XAB2: variants seen among roughly 807,000 people sequenced by gnomAD.
XAB2 encodes pre-mRNA-splicing factor SYF1.
XAB2 carries 57 observed loss-of-function variants against 113.4 expected under a neutral mutation model. The observed-to-expected ratio is 0.50, with a 90% confidence interval of 0.41 to 0.63. XAB2 has a LOEUF of 0.63. Ranked by LOEUF, XAB2 falls within the 20% of genes least tolerant of loss-of-function variation. The pLI is 0.00. For synonymous variants in XAB2, 497 were observed against 498.8 expected (o/e 1.00, Z 0.05); for missense variants, 1,037 against 1,233.3 (o/e 0.84, Z 2.38).
chr19:7,628,019 T>C lies in XAB2; in HGVS notation c.200+131A>G. The stretch of plus-strand genomic sequence containing the variant: ...ACATCAGAGAAGGTGTGCTGACCCA[T>C]CAAGGGATGTACAGGTCAGTGATGA... On this transcript the variant is annotated intron_variant, in intron 2 of 18. Coordinates refer to ENST00000358368, the MANE Select transcript of XAB2 (RefSeq NM_020196.3). The surrounding 1 kb of genome is among the most constrained non-coding windows in gnomAD (Gnocchi z 4.6). The C allele has an allele frequency of 2.7e-6, 4 of 1,458,700 alleles. No homozygotes were observed. Among genetic ancestry groups the C allele is most frequent in the Non-Finnish European group, 3.7e-6 (4 of 1,082,352 alleles). 90.4% of individuals were successfully genotyped at this position (1,458,700 alleles called of 1,614,324 possible). A position where few individuals can be genotyped will look rare whatever the true frequency, so the allele number is the denominator to read the frequency against.
At position 7,624,337 on chromosome 19, in the gene XAB2, T is replaced by A. The variant is rs768112734; in HGVS notation, c.931A>T (p.Met311Leu). 17 of 1,614,088 alleles carry A rather than the reference T, an allele frequency of 1.1e-5. No homozygotes were observed. Among genetic ancestry groups the A allele is most frequent in the Non-Finnish European group, 1.3e-5 (15 of 1,180,012 alleles). Residue 311 changes from methionine to leucine, a missense_variant, in exon 7 of 19, where the codon ATG (methionine) becomes TTG (leucine). By Grantham distance (15) the Met-to-Leu change is conservative (BLOSUM62 2). Coordinates refer to ENST00000358368, the MANE Select transcript of XAB2 (RefSeq NM_020196.3). The surrounding 1 kb of genome is among the most constrained non-coding windows in gnomAD (Gnocchi z 4.2). ...QFEESMIAAK[M>L]ETASELGREE... ...CGCCCCAGCTCCGAGGCGGTCTCCA[T>A]CTTTGCAGCGATCATGCTCTCCTCG...
Position 7,627,196 on chromosome 19 carries a change from C to A in XAB2, c.522+47G>T, listed in dbSNP as rs749180994. ...CGCGGAGCTAGTGTCACAGTGAGGCCGTTTCTGGAAACTAACCTGGGGAAC... is the reference window on the plus strand; with the variant it reads ...CGCGGAGCTAGTGTCACAGTGAGGCAGTTTCTGGAAACTAACCTGGGGAAC... On this transcript the variant is annotated intron_variant, in intron 4 of 18. Transcript: ENST00000358368. This position sits in a 1 kb window ranked among gnomAD's most constrained non-coding sequence, Gnocchi z 4.5. 12 of 1,599,946 alleles carry A rather than the reference C, an allele frequency of 7.5e-6. 1 individual carries two copies. Among genetic ancestry groups the A allele is most frequent in the African/African-American group, 6.7e-5 (5 of 74,958 alleles).
Position 7,623,237 on chromosome 19 carries a change from G to A in XAB2, c.1172C>T (p.Thr391Ile). The change falls in exon 9 of 19, where the codon ACA becomes ATA. Residue 391 changes from threonine (T) to isoleucine (I), a missense_variant. Transcript: ENST00000358368. The surrounding 1 kb of genome is among the most constrained non-coding windows in gnomAD (Gnocchi z 4.6). Reference sequence around the variant, plus strand: ...CACCCACAGAGTGTGGGGCTTGCCTGTGGCCTTGAAGGGGTCCACCGTCTG... The same window carrying A: ...CACCCACAGAGTGTGGGGCTTGCCTATGGCCTTGAAGGGGTCCACCGTCTG... ...AVQTVDPFKA[T>I]GKPHTLWVAF... The A allele has an allele frequency of 6.2e-7, 1 of 1,613,830 alleles. No individual in the cohort carries two copies. Among genetic ancestry groups the A allele is most frequent in the Non-Finnish European group, 8.5e-7 (1 of 1,180,046 alleles).
At position 7,619,819 on chromosome 19, in the gene XAB2, G is replaced by GTGCCAGCTC. The variant is rs1210758028; in HGVS notation, c.2425_2433dup (p.Glu809_Ala811dup). ...TGGATCTCCTCGGGGTTGACCTGCT[G>GTGCCAGCTC]TGCCAGCTCTGCCAGCTCCTCCCGG... On this transcript the variant is annotated inframe_insertion, in exon 18 of 19. Transcript: ENST00000358368. 6.2e-7 allele frequency: 1 copy of GTGCCAGCTC among 1,613,342 alleles called. No homozygotes were observed. Among genetic ancestry groups the GTGCCAGCTC allele is most frequent in the East Asian group, 2.2e-5 (1 of 44,866 alleles).
chr19:7,622,985 T>C (rs887108559), intron 9 of XAB2, 92 bp from the exon 10 acceptor site: 16 of 1,560,960 alleles, frequency 1.0e-5, no homozygotes, highest in African/African-American at 2.7e-5. Flanking sequence ...CTCACAAACA[T>C]ACAGGCACAA....
Position 7,620,090 on chromosome 19 carries a change from C to T in XAB2, c.2267-15G>A, listed in dbSNP as rs1167528779. ...CAGGTCAGACACTAGGGGGTGGGAG[C>T]AGGGGGTCAGCGCCACGGGGGCCCC... On this transcript the variant is annotated splice_polypyrimidine_tract_variant and intron_variant, in intron 16 of 18. Transcript: ENST00000358368. The T allele has an allele frequency of 5.0e-6, 8 of 1,609,154 alleles. No individual in the cohort carries two copies. The highest frequency in any genetic ancestry group is 6.8e-6 in the Non-Finnish European group (8 of 1,179,756).
rs1599373198 is a variant in XAB2, at chr19:7,625,836, G to A, written c.822+44C>T. ...CAACATGTGTCCCCGAGTGTCGGAGGGAGACCCCGCCCCGAACCCAGAGCC... is the reference window on the plus strand; with the variant it reads ...CAACATGTGTCCCCGAGTGTCGGAGAGAGACCCCGCCCCGAACCCAGAGCC... On this transcript the variant is annotated intron_variant, in intron 6 of 18. Coordinates refer to ENST00000358368, the MANE Select transcript of XAB2 (RefSeq NM_020196.3). The surrounding 1 kb of genome is among the most constrained non-coding windows in gnomAD (Gnocchi z 5.2). 4 of 1,559,592 alleles carry A rather than the reference G, an allele frequency of 2.6e-6. No individual in the cohort carries two copies. The Admixed American group carries it at 5.5e-5, about 21-fold the overall frequency.
Position 7,621,474 on chromosome 19 carries a change from CCTCT to C in XAB2, c.1618-181_1618-178del, listed in dbSNP as rs1379591777. The C allele has an allele frequency of 6.1e-6, 4 of 660,752 alleles. No individual in the cohort carries two copies. In the Admixed American group the frequency reaches 1.2e-4, roughly 19 times the overall value. The allele number at this position is 660,752 out of a possible 1,614,324, so 40.9% of individuals were successfully genotyped here. A position where few individuals can be genotyped will look rare whatever the true frequency, so the allele number is the denominator to read the frequency against. On this transcript the variant is annotated intron_variant, in intron 12 of 18. Transcript: ENST00000358368. ...GGGGGTCTGTCCTCTGCACTGTCTC[CCTCT>C]GTGAGAACCCCAAGAACAGGGGTGC...
rs201307127 is a variant in XAB2, at chr19:7,621,288, G to T, written c.1627C>A (p.Arg543Ser). 6.2e-7 allele frequency: 1 copy of T among 1,612,692 alleles called. No homozygotes were observed. ...GGCCACTTGAACAGCGAGATGCCGC[G>T]CTCGTACGCCTGTTACCAGAGGGAG... ...YFEESFKAYE[R>S]GISLFKWPNV... is the part of the protein sequence containing the mutation. The change falls in exon 13 of 19, where the codon CGC becomes AGC. Residue 543 changes from arginine to serine, a missense_variant. By Grantham distance (110) the Arg-to-Ser change is moderately radical. Transcript: ENST00000358368.
At position 7,628,586 on chromosome 19, in the gene XAB2, G is replaced by A. The variant is rs1005401216; in HGVS notation, c.52-288C>T. 6.6e-6 allele frequency among the ~76,000 whole-genome samples: 1 copy of A among 152,108 alleles called. No individual in the cohort carries two copies. The highest frequency in any genetic ancestry group is 2.4e-5 in the African/African-American group (1 of 41,404). On this transcript the variant is annotated intron_variant, in intron 1 of 18. Coordinates refer to ENST00000358368, the MANE Select transcript of XAB2 (RefSeq NM_020196.3). The surrounding 1 kb of genome is among the most constrained non-coding windows in gnomAD (Gnocchi z 4.6). The stretch of plus-strand genomic sequence containing the variant: ...CAGGAATGAGTCCGCATCACCACTC[G>A]CTTTCTGCCCCAGATGGTCAGACTC...
At position 7,624,352 on chromosome 19, in the gene XAB2, T is replaced by C. The variant is rs778642292; in HGVS notation, c.916A>G (p.Met306Val). 2 of 1,614,148 alleles carry C rather than the reference T, an allele frequency of 1.2e-6. No homozygotes were observed. Among genetic ancestry groups the C allele is most frequent in the South Asian group, 1.1e-5 (1 of 91,088 alleles). Residue 306 changes from methionine to valine, a missense_variant, in exon 7 of 19, where the codon ATG becomes GTG. Physicochemically the swap from Met to Val is conservative, Grantham distance 21. Coordinates refer to ENST00000358368, the MANE Select transcript of XAB2 (RefSeq NM_020196.3). This position sits in a 1 kb window ranked among gnomAD's most constrained non-coding sequence, Gnocchi z 4.2. ...FDSYAQFEES[M>V]IAAKMETASE... ...GCGGTCTCCATCTTTGCAGCGATCA[T>C]GCTCTCCTCGAACTGGGCGTAGCTG...
chr19:7,619,544 T>A lies in XAB2; in HGVS notation c.*42A>T. ...AGACCATGATGTACAAACGTAGCTG[T>A]ATTGGGGAGGGGGTGGGGAGGGGGG... On this transcript the variant is annotated 3_prime_UTR_variant, in exon 19 of 19. Coordinates refer to ENST00000358368, the MANE Select transcript of XAB2 (RefSeq NM_020196.3). The A allele has an allele frequency of 5.0e-6, 7 of 1,399,742 alleles. No homozygotes were observed. The highest frequency in any genetic ancestry group is 6.7e-6 in the Non-Finnish European group (7 of 1,037,042). 86.7% of individuals were successfully genotyped at this position (1,399,742 alleles called of 1,614,324 possible). A position where few individuals can be genotyped will look rare whatever the true frequency, so the allele number is the denominator to read the frequency against.
Position 7,623,955 on chromosome 19 carries a change from C to T in XAB2, c.968-73G>A. On this transcript the variant is annotated intron_variant, in intron 7 of 18. Coordinates refer to ENST00000358368, the MANE Select transcript of XAB2 (RefSeq NM_020196.3). This position sits in a 1 kb window ranked among gnomAD's most constrained non-coding sequence, Gnocchi z 4.6. ...GTCCCCGGATGCCACCGCCTCCACT[C>T]CCCACCCTCACTCCGCTCCAGCCCC... is the stretch of plus-strand genomic sequence containing the variant. The T allele has an allele frequency of 6.9e-7, 1 of 1,459,044 alleles. No individual in the cohort carries two copies. The highest frequency in any genetic ancestry group is 2.2e-5 in the Admixed American group (1 of 44,824). 90.4% of individuals were successfully genotyped at this position (1,459,044 alleles called of 1,614,324 possible). A position where few individuals can be genotyped will look rare whatever the true frequency, so the allele number is the denominator to read the frequency against.
At position 7,629,502 on chromosome 19, in the gene XAB2, C is replaced by G. The variant is rs142654083; in HGVS notation, c.26G>C (p.Arg9Pro). Residue 9 changes from arginine to proline, a missense_variant, in exon 1 of 19, where the codon CGG becomes CCG. Transcript: ENST00000358368. ...GAAGACAAGGTCCGGCCGCTCGGGC[C>G]GCGAGAGTCGCGCCATCACCACCAT... MVVMARLS[R>P]PERPDLVFEE... 8 of 1,604,610 alleles carry G rather than the reference C, an allele frequency of 5.0e-6. No homozygotes were observed. In the South Asian group the frequency reaches 9.0e-5, roughly 18 times the overall value.
chr19:7,621,392 A>G (rs1453209530), intron 12 of XAB2, 95 bp from the exon 13 acceptor site: 4 of 1,458,816 alleles, frequency 2.7e-6, no homozygotes, highest in Non-Finnish European at 2.8e-6. Flanking sequence ...GGAGCCTGCC[A>G]GGAACTCCCT....
Position 7,625,986 on chromosome 19 carries a change from T to A in XAB2, c.716A>T (p.Asn239Ile). Reference sequence around the variant, plus strand: ...GCCCCCGCGGATGATGGCGTCCACATTGAGGGACTGTACCTTGTCCGGATT... The same window carrying A: ...GCCCCCGCGGATGATGGCGTCCACAATGAGGGACTGTACCTTGTCCGGATT... The part of the protein sequence containing the change: ...SQNPDKVQSL[N>I]VDAIIRGGLT... Residue 239 changes from asparagine to isoleucine, a missense_variant, in exon 6 of 19, where the codon AAT (asparagine) becomes ATT (isoleucine). Coordinates refer to ENST00000358368, the MANE Select transcript of XAB2 (RefSeq NM_020196.3). This position sits in a 1 kb window ranked among gnomAD's most constrained non-coding sequence, Gnocchi z 5.2. The A allele has an allele frequency of 6.2e-7, 1 of 1,613,732 alleles. No homozygotes were observed. The highest frequency in any genetic ancestry group is 8.5e-7 in the Non-Finnish European group (1 of 1,179,836).
chr19:7,621,094 A>AAACCCCCCCCCCCCCCCCCCCCT, intron 13 of XAB2, 41 bp downstream of exon 13: 1 of 1,494,478 alleles, frequency 6.7e-7, no homozygotes, highest in Non-Finnish European at 9.0e-7. Context: ...TCAGAAACCC[A>AAACCCCCCCCCCCCCCCCCCCCT]GCCCGCCCGC....
At chr19:7,621,355 C>A in intron 12 of XAB2, 58 bp from the exon 13 acceptor site, 4 of 1,589,076 alleles carry the variant, frequency 2.5e-6, no homozygotes, top group Admixed American at 1.7e-5. Context: ...ACCAGGCACC[C>A]GGGATGTCCT....
At position 7,624,565 on chromosome 19, in the gene XAB2, G is replaced by A; in HGVS notation, c.823-120C>T. 3 of 1,443,760 alleles carry A rather than the reference G, an allele frequency of 2.1e-6. No homozygotes were observed. The highest frequency in any genetic ancestry group is 2.8e-6 in the Non-Finnish European group (3 of 1,062,452). The allele number at this position is 1,443,760 out of a possible 1,614,324, so 89.4% of individuals were successfully genotyped here. A position where few individuals can be genotyped will look rare whatever the true frequency, so the allele number is the denominator to read the frequency against. The stretch of plus-strand genomic sequence containing the variant: ...GGCCTTCTGGGTAGTGACGCATCCA[G>A]CACCTCTGGGTAGTGACCCCAGGAC... On this transcript the variant is annotated intron_variant, in intron 6 of 18. Coordinates refer to ENST00000358368, the MANE Select transcript of XAB2 (RefSeq NM_020196.3). This position sits in a 1 kb window ranked among gnomAD's most constrained non-coding sequence, Gnocchi z 4.2.
Sources: gnomAD v4.1 joint callset for allele counts (sites outside exome capture counted in the v4.1 genomes callset) on GRCh38, gnomAD v4.1.1 for gene constraint, Gnocchi (gnomAD v3.1) non-coding constraint, MANE v1.5 for transcripts, NCBI Gene and HGNC (gene_info 2026-07-23, HGNC 2026-07-21) for gene names.